ARHGEF17: variants seen among roughly 807,000 people sequenced by gnomAD.
The protein encoded by ARHGEF17 is Rho guanine nucleotide exchange factor 17.
Under a neutral mutation model 174.0 loss-of-function variants are expected in ARHGEF17, and 80 were observed. The ratio of observed to expected loss-of-function variants is 0.46; its 90% CI spans 0.38 to 0.55. ARHGEF17 has a LOEUF of 0.55. Ranked by LOEUF, ARHGEF17 falls within the 20% of genes least tolerant of loss-of-function variation. The pLI is 0.00. For synonymous variants in ARHGEF17, 1,311 were observed against 1,189.1 expected, an observed-to-expected ratio of 1.10 and a Z score of -2.11; for missense variants, 2,886 against 2,839.7, an observed-to-expected ratio of 1.02 and a Z score of -0.37.
intron 1 of ARHGEF17, chr11:73,343,282 G>C (rs1459469345): frequency 8.8e-5 from 35 of 398,092 alleles, no homozygotes; most frequent in Non-Finnish European, 1.3e-4. Flanking sequence ...GCCCAGGTAC[G>C]GGGAGGGGGA....
chr11:73,335,821 A>G (rs1865278194), intron 1 of ARHGEF17, among the ~76,000 whole-genome samples: 1 of 152,212 alleles, frequency 6.6e-6, no homozygotes, highest in African/African-American at 2.4e-5. Flanking sequence ...GAATCCATCT[A>G]CACCTTCCCT....
chr11:73,317,854 A>G (rs1039099295), intron 1 of ARHGEF17, among the ~76,000 whole-genome samples: 1 of 152,164 alleles, frequency 6.6e-6, no homozygotes, highest in Non-Finnish European at 1.5e-5. Flanking sequence ...GGCCCCAACC[A>G]CAGTGCCTGA....
At chr11:73,355,709 C>T (rs1865626220) in intron 4 of ARHGEF17, 60 bp downstream of exon 4, 2 of 1,565,092 alleles carry the variant, frequency 1.3e-6, no homozygotes, top group Admixed American at 1.7e-5. Context: ...GCTTTGAGGG[C>T]CCCAGGAGCT....
intron 2 of ARHGEF17, 37 bp from the exon 3 acceptor site, chr11:73,352,793 T>C (rs1054865480): frequency 6.2e-7 from 1 of 1,607,528 alleles, no homozygotes; most frequent in African/African-American, 1.3e-5. Context: ...GGGCGGCATC[T>C]CTGAGGGAGT....
Position 73,310,518 on chromosome 11 carries a change from C to T in ARHGEF17, c.1880C>T (p.Thr627Ile). 1 of 1,613,972 alleles carries T rather than the reference C, an allele frequency of 6.2e-7. No homozygotes were observed. The highest frequency in any genetic ancestry group is 1.3e-5 in the African/African-American group (1 of 75,042). The change falls in exon 1 of 21, where the codon ACC becomes ATC. Residue 627 changes from threonine to isoleucine, a missense_variant. By Grantham distance (89) the Thr-to-Ile change is moderately conservative (BLOSUM62 -1). Transcript: ENST00000263674. ...PGSPDWAGDVTRGQRSQEELS... is the reference protein window; with the variant it reads ...PGSPDWAGDVIRGQRSQEELS... ...AGCCCTGACTGGGCAGGGGATGTGA[C>T]CCGAGGGCAGCGGTCCCAGGAGGAG...
chr11:73,346,037 C>T (rs1317553879), intron 1 of ARHGEF17, among the ~76,000 whole-genome samples: 1 of 152,038 alleles, frequency 6.6e-6, no homozygotes, highest in Non-Finnish European at 1.5e-5. Context: ...GAACACAAGG[C>T]ATCCCAGACA....
rs1332318999 is a variant in ARHGEF17 at position 73,357,026 on chromosome 11, A to T, written c.3893A>T (p.Lys1298Met). 1.9e-6 allele frequency: 3 copies of T among 1,613,960 alleles called. No individual in the cohort carries two copies. Among genetic ancestry groups the T allele is most frequent in the Non-Finnish European group, 2.5e-6 (3 of 1,179,966 alleles). ...FLRQEMVIEV[K>M]AIGGKKDRSL... ...TGAATTCTGCCTTGGGCTCCACAGAAGGCGATCGGTGGCAAGAAGGACCGG... is the reference window on the plus strand; with the variant it reads ...TGAATTCTGCCTTGGGCTCCACAGATGGCGATCGGTGGCAAGAAGGACCGG... Residue 1298 changes from lysine to methionine, a missense_variant and splice_region_variant, in exon 8 of 21, where the codon AAG (lysine) becomes ATG (methionine). Lys to Met is a moderately conservative substitution (Grantham distance 95). Around this residue, in one of 4 missense-constraint regions of ARHGEF17, gnomAD observed 353 missense variants for 470.3 expected, o/e 0.75. Transcript: ENST00000263674.
intron 16 of ARHGEF17, 79 bp downstream of exon 16, chr11:73,363,912 C>T: frequency 6.9e-7 from 1 of 1,443,518 alleles, no homozygotes; most frequent in South Asian, 1.2e-5. Context: ...ATCTGGTCCC[C>T]CTGCTCTACT....
At position 73,346,889 on chromosome 11, in the gene ARHGEF17, C is replaced by T. The variant is rs906046290; in HGVS notation, c.3199C>T (p.Arg1067Trp). The T allele has an allele frequency of 2.0e-6, 3 of 1,499,906 alleles. No individual in the cohort carries two copies. Among genetic ancestry groups the T allele is most frequent in the Middle Eastern group, 1.8e-4 (1 of 5,622 alleles). The allele number at this position is 1,499,906 out of a possible 1,614,324, so 92.9% of individuals were successfully genotyped here. Residue 1067 changes from arginine (R) to tryptophan (W), a missense_variant, in exon 2 of 21, where the codon CGG becomes TGG. Around this residue, in one of 4 missense-constraint regions of ARHGEF17, gnomAD observed 353 missense variants for 470.3 expected, o/e 0.75. Transcript: ENST00000263674. Reference sequence around the variant, plus strand: ...TCTGCTCCTGTCCCCACAGGACATGCGGAAGCACGTGGCCATGACCCTGCT... The same window carrying T: ...TCTGCTCCTGTCCCCACAGGACATGTGGAAGCACGTGGCCATGACCCTGCT... ...KCCSKPQVDM[R>W]KHVAMTLLDT...
intron 1 of ARHGEF17, among the ~76,000 whole-genome samples, chr11:73,314,742 G>A (rs996954688): frequency 2.6e-5 from 4 of 151,838 alleles, no homozygotes; most frequent in African/African-American, 4.8e-5. Context: ...TCCCTGCCCC[G>A]CCCCTCCCAC....
At chr11:73,352,526 T>C (rs1386397388) in intron 2 of ARHGEF17, among the ~76,000 whole-genome samples, 1 of 151,766 alleles carries the variant, frequency 6.6e-6, no homozygotes. Flanking sequence ...TGGTGGGAGG[T>C]CTTTCAAGGA....
intron 1 of ARHGEF17, among the ~76,000 whole-genome samples, chr11:73,341,290 CT>C (rs1447975761): frequency 6.6e-6 from 1 of 152,098 alleles, no homozygotes; most frequent in Non-Finnish European, 1.5e-5. Context: ...TGCACTAAAA[CT>C]GGTATTTTTT....
intron 20 of ARHGEF17, 105 bp from the exon 21 acceptor site, chr11:73,367,479 G>T: frequency 1.0e-6 from 1 of 990,330 alleles, no homozygotes; most frequent in Non-Finnish European, 1.5e-6. Flanking sequence ...TAGGAAGTGT[G>T]CACATCTTCC....
intron 1 of ARHGEF17, among the ~76,000 whole-genome samples, chr11:73,331,857 GGGAGGTGGAGGAAATTTCTTCCTGAGGT>G (rs1180210793): frequency 1.3e-5 from 2 of 152,170 alleles, no homozygotes; most frequent in African/African-American, 4.8e-5. Flanking sequence ...ATTTTTGAAT[GGGAGGTGGAGGAAATTTCTTCCTGAGGT>G]GACTGCTGTC....
intron 11 of ARHGEF17, 148 bp from the exon 12 acceptor site, chr11:73,360,940 T>G (rs1287569446): frequency 1.6e-6 from 1 of 640,262 alleles, no homozygotes; most frequent in African/African-American, 1.8e-5. Flanking sequence ...CAGGAGCAAC[T>G]GCCTTATTCT....
Position 73,309,858 on chromosome 11 carries a change from G to T in ARHGEF17, c.1220G>T (p.Ser407Ile), listed in dbSNP as rs776838575. The T allele has an allele frequency of 1.3e-5, 21 of 1,613,124 alleles. No individual in the cohort carries two copies. The highest frequency in any genetic ancestry group is 1.7e-5 in the Non-Finnish European group (20 of 1,180,022). ...ETLKDDDLWSSRGSGGWGVYR... is the reference protein window; with the variant it reads ...ETLKDDDLWSIRGSGGWGVYR... ...CTCAAGGACGACGACCTATGGTCTA[G>T]TAGGGGTTCTGGGGGCTGGGGCGTG... Residue 407 changes from serine to isoleucine, a missense_variant, in exon 1 of 21, where the codon AGT (serine) becomes ATT (isoleucine). Coordinates refer to ENST00000263674, the MANE Select transcript of ARHGEF17 (RefSeq NM_014786.4).
chr11:73,328,009 T>C (rs932984731), intron 1 of ARHGEF17, among the ~76,000 whole-genome samples: 32 of 152,104 alleles, frequency 2.1e-4, no homozygotes, highest in African/African-American at 7.7e-4. Context: ...ATTATAGGGT[T>C]ATGGTGAGAA....
intron 1 of ARHGEF17, among the ~76,000 whole-genome samples, chr11:73,341,941 C>T (rs956447760): frequency 6.6e-6 from 1 of 152,164 alleles, no homozygotes; most frequent in South Asian, 2.1e-4. Flanking sequence ...CAGAGCCCCC[C>T]CATCTTGCTG....
chr11:73,315,957 T>C (rs1864922851), intron 1 of ARHGEF17, among the ~76,000 whole-genome samples: 1 of 149,334 alleles, frequency 6.7e-6, no homozygotes, highest in African/African-American at 2.5e-5. Flanking sequence ...TCTGTGATCT[T>C]TCAGGCTACA....
Sources: gnomAD v4.1 joint callset for allele counts (sites outside exome capture counted in the v4.1 genomes callset) on GRCh38, gnomAD v4.1.1 for gene constraint, gnomAD v4.1.1 regional missense constraint, MANE v1.5 for transcripts, NCBI Gene and HGNC (gene_info 2026-07-23, HGNC 2026-07-21) for gene names.